Variants in KIAA0586 observed in about 807,000 individuals in gnomAD.
The protein encoded by KIAA0586 is KIAA0586, also known as protein TALPID3.
In KIAA0586, 144 loss-of-function variants were observed where a neutral mutation model predicts 169.8. The ratio of observed to expected loss-of-function variants is 0.85; its 90% CI spans 0.74 to 0.97. The LOEUF (loss-of-function observed/expected upper bound fraction) is 0.97. KIAA0586 is among the 50% of genes least tolerant of loss of function. KIAA0586 has a pLI of 0.00. For synonymous variants in KIAA0586, 625 were observed against 612.4 expected, an observed-to-expected ratio of 1.02 and a Z score of -0.30; for missense variants, 1,854 against 1,823.0, an observed-to-expected ratio of 1.02 and a Z score of -0.31.
chr14:58,521,551 T>C, intron 29 of KIAA0586: 1 of 849,262 alleles, frequency 1.2e-6, no homozygotes, highest in Non-Finnish European at 2.0e-6. Context: ...GCCCTCGAAA[T>C]GTCAGCATGT....
At chr14:58,476,668 C>CT (rs10666323) in intron 19 of KIAA0586, among the ~76,000 whole-genome samples, 35,421 of 131,426 alleles carry the variant, frequency 0.27, 5,515 homozygotes, top group East Asian at 0.36. Flanking sequence ...TTCAGAGGTA[C>CT]TTTTTTTTTT....
chr14:58,498,364 C>T lies in KIAA0586; in HGVS notation c.3991-419C>T, dbSNP rs535582070. 2.6e-5 allele frequency among the ~76,000 whole-genome samples: 4 copies of T among 151,822 alleles called. 1 individual carries two copies. ...CTAATTTTTGTATTTTTTGTCGAGA[C>T]AGGGTTTCGCCATGTTGCCTAGGCT... On this transcript the variant is annotated intron_variant, in intron 26 of 30. Coordinates refer to ENST00000652326, the MANE Select transcript of KIAA0586 (RefSeq NM_001329943.3).
chr14:58,458,003 G>A (rs1566824120), intron 11 of KIAA0586, 24 bp downstream of exon 11: 2 of 1,458,822 alleles, frequency 1.4e-6, no homozygotes, highest in Admixed American at 2.0e-5. Context: ...GGCATCCAGG[G>A]TTATTTATGA....
In KIAA0586 at chr14:58,428,466, A is replaced by G. The variant is rs779390368; in HGVS notation, c.199+3A>G. 1.3e-6 allele frequency: 2 copies of G among 1,593,098 alleles called. No individual in the cohort carries two copies. The highest frequency in any genetic ancestry group is 2.2e-5 in the East Asian group (1 of 44,790). On this transcript the variant is annotated splice_donor_region_variant and intron_variant, in intron 1 of 30. Coordinates refer to ENST00000652326, the MANE Select transcript of KIAA0586 (RefSeq NM_001329943.3). ...TAGTTTGAATGGAACATCACGTGGT[A>G]TGTGATTCCATGTAGTTTTTCAACC...
intron 21 of KIAA0586, among the ~76,000 whole-genome samples, chr14:58,486,273 G>A (rs1483087290): frequency 1.3e-5 from 2 of 152,094 alleles, no homozygotes; most frequent in Non-Finnish European, 2.9e-5. Context: ...TGCTGCAAAC[G>A]ACATGATTTT....
intron 30 of KIAA0586, among the ~76,000 whole-genome samples, chr14:58,540,524 A>G (rs1350595605): frequency 6.6e-6 from 1 of 152,234 alleles, no homozygotes; most frequent in Non-Finnish European, 1.5e-5. Flanking sequence ...ATAAAAAGAA[A>G]CAGATCTTTC....
chr14:58,470,468 G>A (rs546887328), intron 16 of KIAA0586, 145 bp from the exon 17 acceptor site: 1 of 365,068 alleles, frequency 2.7e-6, no homozygotes, highest in African/African-American at 2.1e-5. Flanking sequence ...GTTATCCATT[G>A]GGTTCACAAT....
At chr14:58,430,599 A>G (rs1210639832) in intron 2 of KIAA0586, 49 bp from the exon 3 acceptor site, 3 of 1,181,172 alleles carry the variant, frequency 2.5e-6, no homozygotes, top group Non-Finnish European at 3.7e-6. Context: ...TTGATAAATA[A>G]TAAATCATGA....
At position 58,428,486 on chromosome 14, in the gene KIAA0586, T is replaced by C; in HGVS notation, c.199+23T>C. On this transcript the variant is annotated intron_variant, in intron 1 of 30. Transcript: ENST00000652326. Reference sequence around the variant, plus strand: ...GTGGTATGTGATTCCATGTAGTTTTTCAACCAGTTTTAGTTTAGTAAATCT... The same window carrying C: ...GTGGTATGTGATTCCATGTAGTTTTCCAACCAGTTTTAGTTTAGTAAATCT... The C allele has an allele frequency of 3.9e-6, 6 of 1,549,220 alleles. No individual in the cohort carries two copies. The African/African-American group carries it at 4.1e-5, about 11-fold the overall frequency.
Position 58,487,995 on chromosome 14 carries a change from T to G in KIAA0586, c.3413T>G (p.Ile1138Ser). The stretch of plus-strand genomic sequence containing the variant: ...ACCCCAACTTTGTCAGATATTTCCA[T>G]TGATAAATTGAAGGTATCAAGCCCA... ...VFTPTLSDISIDKLKVSSPEL... is the reference protein window; with the variant it reads ...VFTPTLSDISSDKLKVSSPEL... The change falls in exon 23 of 31, where the codon ATT becomes AGT. Residue 1138 changes from isoleucine (I) to serine (S), a missense_variant. Ile to Ser is a moderately radical substitution (Grantham distance 142, BLOSUM62 -2). Transcript: ENST00000652326. 5 of 1,613,000 alleles carry G rather than the reference T, an allele frequency of 3.1e-6. No homozygotes were observed. The Middle Eastern group carries it at 6.6e-4, about 213-fold the overall frequency.
At chr14:58,480,345 T>TA (rs1566867831) in intron 20 of KIAA0586, among the ~76,000 whole-genome samples, 933 of 13,824 alleles carry the variant, frequency 0.067, 6 homozygotes, top group African/African-American at 0.13. Context: ...TCTTCCTCTT[T>TA]TAAAAAAAAA....
At chr14:58,506,967 C>T (rs1415794230) in intron 27 of KIAA0586, among the ~76,000 whole-genome samples, 3 of 151,502 alleles carry the variant, frequency 2.0e-5, no homozygotes, top group Admixed American at 1.3e-4. Context: ...GGCAACATGG[C>T]GAAACCCTGT....
intron 7 of KIAA0586, 58 bp downstream of exon 7, chr14:58,448,551 T>C: frequency 1.6e-6 from 2 of 1,259,758 alleles, no homozygotes; most frequent in Non-Finnish European, 1.1e-6. Context: ...TTCTTTGTGC[T>C]ACATAAGCTG....
At chr14:58,502,616 T>C (rs1743699) in intron 27 of KIAA0586, among the ~76,000 whole-genome samples, 151,859 of 152,312 alleles carry the variant, frequency 1, 75,706 homozygotes, top group Middle Eastern at 1. Context: ...TATCTCATTA[T>C]GGTTATTAGG....
chr14:58,539,740 T>G (rs936395232), intron 29 of KIAA0586: 12 of 198,462 alleles, frequency 6.0e-5, no homozygotes, highest in Non-Finnish European at 1.1e-4. Context: ...AGAGAATCTG[T>G]GAAAACTTTT....
chr14:58,544,097 C>T, intron 30 of KIAA0586: 2 of 293,142 alleles, frequency 6.8e-6, no homozygotes, highest in South Asian at 3.0e-5. Flanking sequence ...TTAGTTCCCA[C>T]TTATAAGTGA....
chr14:58,558,145 A>T, the KIAA0586 span, among the ~76,000 whole-genome samples: 1 of 151,912 alleles, frequency 6.6e-6, no homozygotes, highest in East Asian at 1.9e-4. Flanking sequence ...TCCTGGCCTC[A>T]AGTGACCCGC....
In KIAA0586 at chr14:58,467,897, A is replaced by G. The variant is rs773759282; in HGVS notation, c.2417A>G (p.Lys806Arg). ...IAIVEMKSEK[K>R]DPPQLTVQVL... ...ATTGTAGAAATGAAGTCAGAAAAAA[A>G]GGATCCTCCTCAGCTTACTGTGCAG... The change falls in exon 16 of 31, where the codon AAG (lysine) becomes AGG (arginine). Residue 806 changes from lysine to arginine, a missense_variant. Transcript: ENST00000652326. 3.1e-6 allele frequency: 5 copies of G among 1,613,158 alleles called. No homozygotes were observed. The African/African-American group carries it at 6.7e-5, about 22-fold the overall frequency.
chr14:58,484,058 T>G (rs2042209633), intron 21 of KIAA0586, among the ~76,000 whole-genome samples: 1 of 152,170 alleles, frequency 6.6e-6, no homozygotes, highest in Non-Finnish European at 1.5e-5. Context: ...GTATATATTT[T>G]CATGAGGGTG....
Sources: allele counts gnomAD v4.1 joint callset (sites outside exome capture counted in the v4.1 genomes callset), GRCh38; gene constraint gnomAD v4.1.1; transcripts MANE v1.5; gene names NCBI Gene and HGNC (gene_info 2026-07-23, HGNC 2026-07-21).